The following APAF1 variants were observed in gnomAD, a reference collection of about 807,000 sequenced individuals.
APAF1 encodes the protein apoptotic peptidase activating factor 1.
Under a neutral mutation model 152.4 loss-of-function variants are expected in APAF1, and 91 were observed. The ratio of observed to expected loss-of-function variants is 0.60; its 90% CI spans 0.50 to 0.71. The LOEUF is 0.71. Ranked by LOEUF, APAF1 falls within the 30% of genes least tolerant of loss-of-function variation. The pLI, the probability that APAF1 is intolerant of heterozygous loss-of-function variation, is 0.00. For missense variants in APAF1, 1,283 were observed against 1,472.0 expected, an observed-to-expected ratio of 0.87 and a Z score of 2.10; for synonymous variants, 484 against 494.1, an observed-to-expected ratio of 0.98 and a Z score of 0.27.
At chr12:98,712,191 G>T (rs1203956381) in intron 20 of APAF1, 128 bp from the exon 21 acceptor site, 21 of 696,422 alleles carry the variant, frequency 3.0e-5, no homozygotes, top group African/African-American at 5.3e-5. Context: ...ATGGCTTGTT[G>T]TTCCCCTGAG....
chr12:98,697,111 A>ATGC, intron 16 of APAF1, among the ~76,000 whole-genome samples: 1 of 152,338 alleles, frequency 6.6e-6, no homozygotes, highest in African/African-American at 2.4e-5. Context: ...ACTTTAGCTT[A>ATGC]TGCTGATCCC....
At chr12:98,692,499 G>A (rs1453455856) in intron 16 of APAF1, among the ~76,000 whole-genome samples, 1 of 152,146 alleles carries the variant, frequency 6.6e-6, no homozygotes, top group Non-Finnish European at 1.5e-5. Context: ...GGGTACAACT[G>A]GTCCTGTCAT....
intron 4 of APAF1, among the ~76,000 whole-genome samples, chr12:98,650,617 A>G (rs1283843555): frequency 6.6e-6 from 1 of 152,076 alleles, no homozygotes; most frequent in African/African-American, 2.4e-5. Context: ...AGGCTAGGGT[A>G]TATCTATGTG....
intron 5 of APAF1, among the ~76,000 whole-genome samples, chr12:98,659,676 C>G (rs1219925039): frequency 7.1e-6 from 1 of 140,868 alleles, no homozygotes; most frequent in Admixed American, 7.6e-5. Context: ...CGCTTGAACC[C>G]GGGAGGCAGA....
chr12:98,710,829 A>G (rs557340144), intron 20 of APAF1, among the ~76,000 whole-genome samples: 15 of 152,324 alleles, frequency 9.8e-5, no homozygotes, highest in Non-Finnish European at 1.6e-4. Flanking sequence ...TTCTTTATCA[A>G]CTAGTTCTAT....
At chr12:98,695,215 G>A (rs1253395076) in intron 16 of APAF1, among the ~76,000 whole-genome samples, 3 of 151,978 alleles carry the variant, frequency 2.0e-5, no homozygotes, top group African/African-American at 7.3e-5. Context: ...ACCACACCTG[G>A]CTCATTTTTG....
At chr12:98,727,058 T>C in intron 25 of APAF1, 115 bp from the exon 26 acceptor site, 4 of 952,230 alleles carry the variant, frequency 4.2e-6, no homozygotes, top group African/African-American at 1.7e-5. Context: ...GGGTTGTTTA[T>C]AATAAAGTCT....
chr12:98,732,902 T>C lies in APAF1; in HGVS notation c.*336T>C, dbSNP rs2097764342. ...ATGAGAAGAATTTGGAAGAAATTGGTATTTTAATACTGTCTGTATTTATTA... is the reference window on the plus strand; with the variant it reads ...ATGAGAAGAATTTGGAAGAAATTGGCATTTTAATACTGTCTGTATTTATTA... On this transcript the variant is annotated 3_prime_UTR_variant, in exon 27 of 27. Transcript: ENST00000551964. The C allele has an allele frequency of 6.5e-6, 2 of 309,904 alleles. No individual in the cohort carries two copies. The highest frequency in any genetic ancestry group is 5.0e-5 in the Admixed American group (1 of 20,176). 19.2% of individuals were successfully genotyped at this position (309,904 alleles called of 1,614,324 possible). A position where few individuals can be genotyped will look rare whatever the true frequency, so the allele number is the denominator to read the frequency against.
At chr12:98,699,253 C>G (rs2097712733) in intron 16 of APAF1, among the ~76,000 whole-genome samples, 155 bp from the exon 17 acceptor site, 1 of 152,148 alleles carries the variant, frequency 6.6e-6, no homozygotes, top group Non-Finnish European at 1.5e-5. Context: ...AACTGGAGAT[C>G]TTAATTTAAA....
At chr12:98,655,906 C>G (rs941066411) in intron 4 of APAF1, among the ~76,000 whole-genome samples, 1 of 152,068 alleles carries the variant, frequency 6.6e-6, no homozygotes, top group African/African-American at 2.4e-5. Flanking sequence ...GCCCCAGCCT[C>G]CCGAGTAGCT....
At position 98,685,878 on chromosome 12, in the gene APAF1, A is replaced by G. The variant is rs895585490; in HGVS notation, c.2179-870A>G. ...TCTTGAACTCCTGACCTCAGGTGAT[A>G]CGCCCACCTCAGCCTCCCAAAGTGC... On this transcript the variant is annotated intron_variant, in intron 15 of 26. Transcript: ENST00000551964. Among the ~76,000 whole-genome samples, 6 of 150,404 alleles carry G rather than the reference A, an allele frequency of 4.0e-5. No individual in the cohort carries two copies. The East Asian group carries it at 8.0e-4, about 20-fold the overall frequency.
chr12:98,649,850 A>C (rs2097646680), intron 4 of APAF1, among the ~76,000 whole-genome samples, 166 bp downstream of exon 4: 1 of 152,214 alleles, frequency 6.6e-6, no homozygotes, highest in Non-Finnish European at 1.5e-5. Flanking sequence ...TGGATAGGAC[A>C]AGCTTCCTGA....
intron 4 of APAF1, among the ~76,000 whole-genome samples, chr12:98,658,759 T>C (rs540163326): frequency 6.6e-6 from 1 of 152,276 alleles, no homozygotes; most frequent in South Asian, 2.1e-4. Flanking sequence ...ATCTAGTGGA[T>C]AGAGACCAAA....
At chr12:98,684,806 G>A (rs1361763099) in intron 15 of APAF1, among the ~76,000 whole-genome samples, 2 of 152,138 alleles carry the variant, frequency 1.3e-5, no homozygotes. Flanking sequence ...TTTGTAGGTT[G>A]AGGAAATAAA....
chr12:98,684,015 A>G (rs141017719), intron 15 of APAF1, among the ~76,000 whole-genome samples: 27 of 152,280 alleles, frequency 1.8e-4, no homozygotes, highest in African/African-American at 6.0e-4. Context: ...AAGATCTGCT[A>G]ACTTTTTTTG....
In APAF1 at chr12:98,667,657, A is replaced by G. The variant is rs183567561; in HGVS notation, c.1494+13A>G. 104 of 1,612,322 alleles carry G rather than the reference A, an allele frequency of 6.5e-5. No individual in the cohort carries two copies. The highest frequency in any genetic ancestry group is 8.4e-5 in the Non-Finnish European group (99 of 1,179,890). On this transcript the variant is annotated intron_variant, in intron 10 of 26. Transcript: ENST00000551964. ...CAAGATGCACAAGGTAAGATGACCC[A>G]TTTAAAAATTCTTTTATCTGACTTC...
intron 10 of APAF1, among the ~76,000 whole-genome samples, chr12:98,669,164 C>T (rs1350370769): frequency 1.3e-5 from 2 of 152,048 alleles, no homozygotes; most frequent in African/African-American, 4.8e-5. Flanking sequence ...CTCTAGTTAT[C>T]GAACATTTAG....
At chr12:98,659,873 C>T (rs542825849) in intron 5 of APAF1, among the ~76,000 whole-genome samples, 1 of 149,512 alleles carries the variant, frequency 6.7e-6, no homozygotes, top group South Asian at 2.1e-4. Context: ...ATTGCTTTTT[C>T]TCTTTGCATG....
chr12:98,667,762 TTGA>T, intron 10 of APAF1, 118 bp downstream of exon 10: 13 of 856,460 alleles, frequency 1.5e-5, no homozygotes, highest in East Asian at 8.8e-5. Flanking sequence ...TGCTTTCCAT[TTGA>T]TTTTTTTTTT....
Sources: allele counts gnomAD v4.1 joint callset (sites outside exome capture counted in the v4.1 genomes callset), GRCh38; gene constraint gnomAD v4.1.1; transcripts MANE v1.5; gene names NCBI Gene and HGNC (gene_info 2026-07-23, HGNC 2026-07-21).